The following ARHGAP15 variants were observed in gnomAD, a reference collection of about 807,000 sequenced individuals.
The protein encoded by ARHGAP15 is Rho GTPase activating protein 15, also known as rho GTPase-activating protein 15.
A neutral mutation model predicts 63.7 loss-of-function variants in ARHGAP15; 51 were observed. The observed-to-expected ratio is 0.80, with a 90% CI of 0.64 to 1.01. The LOEUF (loss-of-function observed/expected upper bound fraction) is 1.01. Ranked by LOEUF, ARHGAP15 falls within the 50% of genes least tolerant of loss-of-function variation. The probability of loss-of-function intolerance (pLI) is 0.00; values close to 1 mark genes in which losing one functional copy is unlikely to be tolerated. For missense variants in ARHGAP15, 560 were observed against 564.6 expected, an observed-to-expected ratio of 0.99 and a Z score of 0.08; for synonymous variants, 191 against 193.8, an observed-to-expected ratio of 0.99 and a Z score of 0.12.
At chr2:143,386,399 G>T (rs1336047357) in intron 6 of ARHGAP15, among the ~76,000 whole-genome samples, 1 of 152,026 alleles carries the variant, frequency 6.6e-6, no homozygotes, top group South Asian at 2.1e-4. Flanking sequence ...TACAATTTTT[G>T]CAAATGCCAG....
intron 2 of ARHGAP15, among the ~76,000 whole-genome samples, chr2:143,167,273 T>C (rs1690580164): frequency 6.6e-6 from 1 of 152,158 alleles, no homozygotes; most frequent in South Asian, 2.1e-4. Flanking sequence ...AGTGTTATTC[T>C]TATCTATTCT....
intron 6 of ARHGAP15, among the ~76,000 whole-genome samples, chr2:143,271,740 C>T (rs1489820720): frequency 1.3e-5 from 2 of 152,098 alleles, no homozygotes. Context: ...CCTCCCAAAG[C>T]GCTGGGATTA....
intron 13 of ARHGAP15, among the ~76,000 whole-genome samples, chr2:143,728,174 C>A (rs898373086): frequency 1.3e-5 from 2 of 152,180 alleles, no homozygotes; most frequent in Non-Finnish European, 2.9e-5. Context: ...ATTCTGAGGT[C>A]TCTCCCCTTG....
intron 12 of ARHGAP15, among the ~76,000 whole-genome samples, chr2:143,680,385 A>G (rs1683047240): frequency 6.6e-6 from 1 of 152,228 alleles, no homozygotes; most frequent in African/African-American, 2.4e-5. Context: ...TGGTATTTCC[A>G]TAGATACAAA....
intron 12 of ARHGAP15, among the ~76,000 whole-genome samples, chr2:143,665,783 C>T (rs1289749460): frequency 2.6e-5 from 4 of 151,822 alleles, no homozygotes; most frequent in African/African-American, 9.7e-5. Flanking sequence ...AACAGACAAA[C>T]AGAAAGCCAA....
intron 6 of ARHGAP15, among the ~76,000 whole-genome samples, chr2:143,299,021 T>C (rs1306288156): frequency 3.3e-5 from 5 of 152,096 alleles, no homozygotes; most frequent in African/African-American, 1.2e-4. Context: ...TTTTTAACTT[T>C]GCTACAATGT....
At chr2:143,617,527 G>C (rs1222375405) in intron 11 of ARHGAP15, among the ~76,000 whole-genome samples, 1 of 152,098 alleles carries the variant, frequency 6.6e-6, no homozygotes, top group African/African-American at 2.4e-5. Context: ...ACCCTAATCT[G>C]TTGTTATAAG....
chr2:143,415,427 CGA>C (rs1223076965), intron 6 of ARHGAP15, among the ~76,000 whole-genome samples: 1 of 151,584 alleles, frequency 6.6e-6, no homozygotes. Context: ...GACAGCACCT[CGA>C]AATGCATAAG....
At chr2:143,626,840 C>T (rs1392901901) in intron 12 of ARHGAP15, among the ~76,000 whole-genome samples, 2 of 152,108 alleles carry the variant, frequency 1.3e-5, no homozygotes, top group Non-Finnish European at 2.9e-5. Context: ...CTGGCTTCAC[C>T]TGTCATTATG....
intron 6 of ARHGAP15, among the ~76,000 whole-genome samples, chr2:143,259,097 CAAGCTTCTGAT>C (rs1259040777): frequency 6.6e-6 from 1 of 151,768 alleles, no homozygotes; most frequent in South Asian, 2.1e-4. Flanking sequence ...AAGTAAAAGG[CAAGCTTCTGAT>C]ATTTGAGATC....
At chr2:143,491,941 G>A (rs1377443816) in intron 9 of ARHGAP15, among the ~76,000 whole-genome samples, 3 of 152,030 alleles carry the variant, frequency 2.0e-5, no homozygotes, top group African/African-American at 7.3e-5. Context: ...GAGTGCTGTG[G>A]CATGATCTCA....
At chr2:143,678,794 G>T (rs1045353735) in intron 12 of ARHGAP15, among the ~76,000 whole-genome samples, 2 of 152,100 alleles carry the variant, frequency 1.3e-5, no homozygotes, top group Non-Finnish European at 2.9e-5. Flanking sequence ...TGATCCATAT[G>T]CTAACTTCAC....
chr2:143,556,875 T>C (rs560752827), intron 11 of ARHGAP15, among the ~76,000 whole-genome samples: 5 of 151,988 alleles, frequency 3.3e-5, no homozygotes, highest in East Asian at 3.9e-4. Context: ...TAACAGATAA[T>C]AGAAAAATAT....
intron 8 of ARHGAP15, among the ~76,000 whole-genome samples, chr2:143,443,977 C>T (rs1158878463): frequency 1.3e-5 from 2 of 152,196 alleles, no homozygotes; most frequent in African/African-American, 4.8e-5. Context: ...TGATTAATCT[C>T]TTCTTTCCCA....
intron 6 of ARHGAP15, among the ~76,000 whole-genome samples, chr2:143,341,212 G>C (rs1685044135): frequency 6.6e-6 from 1 of 151,988 alleles, no homozygotes. Context: ...TTGAGGGGAT[G>C]AACCACATCC....
At chr2:143,409,021 A>T (rs1457340502) in intron 6 of ARHGAP15, among the ~76,000 whole-genome samples, 2 of 152,024 alleles carry the variant, frequency 1.3e-5, no homozygotes, top group East Asian at 3.8e-4. Context: ...AAATATTCTG[A>T]TAATGACATT....
intron 11 of ARHGAP15, among the ~76,000 whole-genome samples, chr2:143,619,995 G>A (rs923251506): frequency 9.9e-5 from 15 of 152,180 alleles, no homozygotes; most frequent in African/African-American, 2.9e-4. Context: ...GCATCGTACT[G>A]AGATAAATCC....
At chr2:143,747,268 C>T (rs958510586) in intron 13 of ARHGAP15, among the ~76,000 whole-genome samples, 3 of 151,944 alleles carry the variant, frequency 2.0e-5, no homozygotes, top group East Asian at 1.9e-4. Flanking sequence ...AAAAAAAGAT[C>T]GGAGACTTCC....
At chr2:143,155,712 GAAA>G in intron 2 of ARHGAP15, 57 bp downstream of exon 2, 1 of 1,327,740 alleles carries the variant, frequency 7.5e-7, no homozygotes, top group Non-Finnish European at 1.0e-6. Flanking sequence ...TTTGTAAAAG[GAAA>G]AAAAAAAGCT....
Sources: gnomAD v4.1 joint callset for allele counts (sites outside exome capture counted in the v4.1 genomes callset) on GRCh38, gnomAD v4.1.1 for gene constraint, MANE v1.5 for transcripts, NCBI Gene and HGNC (gene_info 2026-07-23, HGNC 2026-07-21) for gene names.